Variants in ABI2 observed in about 807,000 individuals in gnomAD.
ABI2 encodes the protein abl interactor 2.
A neutral mutation model predicts 59.2 loss-of-function variants in ABI2; 25 were observed. That is an observed-to-expected ratio of 0.42 (90% confidence interval 0.31 to 0.59). The LOEUF (loss-of-function observed/expected upper bound fraction) is 0.59, where lower values mean the gene tolerates loss of function less well. Among genes scored for constraint, ABI2 ranks in the 20% least tolerant of loss-of-function variants. ABI2 has a pLI of 0.14. For missense variants in ABI2, 545 were observed against 681.8 expected, an observed-to-expected ratio of 0.80 and a Z score of 2.23; for synonymous variants, 213 against 235.5, an observed-to-expected ratio of 0.90 and a Z score of 0.87.
chr2:203,391,206 C>T, intron 5 of ABI2, 63 bp downstream of exon 5: 1 of 1,128,138 alleles, frequency 8.9e-7, no homozygotes, highest in South Asian at 1.7e-5. Flanking sequence ...TGAAGCACAA[C>T]ATATTTAAAT....
chr2:203,387,071 TTTTTTC>T (rs1472729826), intron 4 of ABI2, among the ~76,000 whole-genome samples: 3 of 125,698 alleles, frequency 2.4e-5, no homozygotes, highest in Non-Finnish European at 5.1e-5. Context: ...TTTTTTTTTT[TTTTTTC>T]CCCACATGCC....
intron 9 of ABI2, among the ~76,000 whole-genome samples, chr2:203,404,849 G>A (rs1157002301): frequency 1.3e-5 from 2 of 152,228 alleles, no homozygotes; most frequent in African/African-American, 4.8e-5. Flanking sequence ...GTGAGCCACC[G>A]CACCCGGCCT....
At position 203,380,141 on chromosome 2, in the gene ABI2, A is replaced by G. The variant is rs546922774; in HGVS notation, c.286-67A>G. 9.9e-5 allele frequency: 95 copies of G among 958,290 alleles called. No individual in the cohort carries two copies. The South Asian group carries it at 1.9e-3, about 19-fold the overall frequency. The allele number at this position is 958,290 out of a possible 1,614,324, so 59.4% of individuals were successfully genotyped here. On this transcript the variant is annotated intron_variant, in intron 2 of 11. Transcript: ENST00000261018. ...AGCAATATTAAATCTCTAGGCATAT[A>G]TATTTTGATTTTTGTGGATATTAGA...
At chr2:203,388,213 A>G (rs1409446159) in intron 4 of ABI2, among the ~76,000 whole-genome samples, 2 of 152,200 alleles carry the variant, frequency 1.3e-5, no homozygotes, top group Non-Finnish European at 2.9e-5. Flanking sequence ...GGAAATATTG[A>G]AAAACTCTTT....
At chr2:203,403,178 C>T (rs530232112) in intron 9 of ABI2, 1 of 152,628 alleles carries the variant, frequency 6.6e-6, no homozygotes, top group South Asian at 2.1e-4. Flanking sequence ...AATTCTCATA[C>T]CAAACCCATG....
intron 10 of ABI2, 125 bp downstream of exon 10, chr2:203,411,496 T>G: frequency 1.3e-6 from 1 of 763,320 alleles, no homozygotes; most frequent in Non-Finnish European, 2.1e-6. Flanking sequence ...AACAAATCAC[T>G]GTCTGGCTAG....
intron 2 of ABI2, among the ~76,000 whole-genome samples, chr2:203,379,477 A>G (rs1294017310): frequency 1.3e-5 from 2 of 152,122 alleles, no homozygotes; most frequent in Admixed American, 1.3e-4. Context: ...GGGATCAAGC[A>G]ATCTGCCCAC....
At chr2:203,385,572 G>A (rs895587449) in intron 4 of ABI2, among the ~76,000 whole-genome samples, 3 of 152,174 alleles carry the variant, frequency 2.0e-5, no homozygotes, top group Admixed American at 6.5e-5. Context: ...TTTCACTTGA[G>A]TACTATTTTT....
At chr2:203,410,899 G>C (rs1374255119) in intron 9 of ABI2, among the ~76,000 whole-genome samples, 2 of 151,558 alleles carry the variant, frequency 1.3e-5, no homozygotes, top group African/African-American at 4.8e-5. Context: ...GTAATCTGCA[G>C]AAATGCTTTC....
chr2:203,368,444 A>G (rs971974027), intron 2 of ABI2, among the ~76,000 whole-genome samples: 1 of 152,098 alleles, frequency 6.6e-6, no homozygotes, highest in Non-Finnish European at 1.5e-5. Flanking sequence ...TATTATTTTT[A>G]ATGTCTTGAG....
intron 1 of ABI2, among the ~76,000 whole-genome samples, chr2:203,354,795 C>G (rs1182018642): frequency 6.6e-6 from 1 of 152,172 alleles, no homozygotes; most frequent in Non-Finnish European, 1.5e-5. Context: ...TTATATTGGT[C>G]TGTAAACATG....
chr2:203,379,948 A>T (rs1490495035), intron 2 of ABI2, among the ~76,000 whole-genome samples: 1 of 152,232 alleles, frequency 6.6e-6, no homozygotes, highest in Non-Finnish European at 1.5e-5. Flanking sequence ...TTCTCCAAAC[A>T]TTAAAAAATG....
chr2:203,399,204 GTGT>G (rs2097124382), intron 8 of ABI2, among the ~76,000 whole-genome samples: 3 of 152,114 alleles, frequency 2.0e-5, no homozygotes, highest in Admixed American at 1.3e-4. Context: ...TCAGCCCTTG[GTGT>G]TGCCTTTTTT....
chr2:203,392,482 T>A (rs1391330774), intron 5 of ABI2, among the ~76,000 whole-genome samples: 3 of 152,104 alleles, frequency 2.0e-5, no homozygotes, highest in Non-Finnish European at 2.9e-5. Context: ...TAAAAATAAA[T>A]TCCAACCAGG....
intron 11 of ABI2, among the ~76,000 whole-genome samples, chr2:203,426,562 CAT>C (rs1250986148): frequency 6.6e-6 from 1 of 152,080 alleles, no homozygotes; most frequent in Non-Finnish European, 1.5e-5. Flanking sequence ...AAATTGGTGA[CAT>C]AGTGCAGCAT....
chr2:203,355,214 TAAA>T (rs748446925), intron 1 of ABI2: 1 of 399,578 alleles, frequency 2.5e-6, no homozygotes, highest in Non-Finnish European at 5.3e-6. Context: ...CATGGAAAGT[TAAA>T]AAAAGAAGAC....
intron 11 of ABI2, among the ~76,000 whole-genome samples, chr2:203,421,396 A>G (rs2098198194): frequency 6.6e-6 from 1 of 152,238 alleles, no homozygotes; most frequent in Non-Finnish European, 1.5e-5. Context: ...TTGATGATGT[A>G]TCATCAAGGT....
chr2:203,354,218 A>G (rs1305831543), intron 1 of ABI2, among the ~76,000 whole-genome samples: 1 of 151,762 alleles, frequency 6.6e-6, no homozygotes, highest in African/African-American at 2.4e-5. Flanking sequence ...TAATTTTTGT[A>G]TTTTTTATAG....
At chr2:203,420,642 C>G (rs1240052951) in intron 11 of ABI2, among the ~76,000 whole-genome samples, 8 of 152,152 alleles carry the variant, frequency 5.3e-5, no homozygotes, top group Non-Finnish European at 1.0e-4. Flanking sequence ...ATCCGCCCAC[C>G]TCGGCCTCCC....
Sources: allele counts gnomAD v4.1 joint callset (sites outside exome capture counted in the v4.1 genomes callset), GRCh38; gene constraint gnomAD v4.1.1; transcripts MANE v1.5; gene names NCBI Gene and HGNC (gene_info 2026-07-23, HGNC 2026-07-21).